NEO1: variants seen among roughly 807,000 people sequenced by gnomAD.
NEO1 encodes neogenin.
In NEO1, 63 loss-of-function variants were observed where a neutral mutation model predicts 159.7. The ratio of observed to expected loss-of-function variants is 0.39; its 90% confidence interval spans 0.32 to 0.49. The LOEUF (loss-of-function observed/expected upper bound fraction) is 0.49. Ranked by LOEUF, NEO1 falls within the 20% of genes least tolerant of loss-of-function variation. NEO1 has a pLI of 0.85. For missense variants in NEO1, 1,615 were observed against 1,831.0 expected (o/e 0.88, Z 2.15); for synonymous variants, 633 against 662.0 (o/e 0.96, Z 0.67).
chr15:73,224,859 G>C (rs181151447), intron 7 of NEO1, among the ~76,000 whole-genome samples: 1 of 151,240 alleles, frequency 6.6e-6, no homozygotes, highest in African/African-American at 2.4e-5. Context: ...ATGATTTTTT[G>C]GGGGGGGTGT....
intron 14 of NEO1, 33 bp downstream of exon 14, chr15:73,258,909 A>C: frequency 6.4e-7 from 1 of 1,557,870 alleles, no homozygotes; most frequent in Non-Finnish European, 8.9e-7. Context: ...CTGGAACACA[A>C]TAGATACTAG....
chr15:73,294,925 A>G (rs2042297729), intron 26 of NEO1, among the ~76,000 whole-genome samples: 1 of 151,898 alleles, frequency 6.6e-6, no homozygotes, highest in Admixed American at 6.6e-5. Context: ...AATTTCCAAC[A>G]TTAGCTACTC....
intron 9 of NEO1, among the ~76,000 whole-genome samples, chr15:73,248,021 G>A (rs2415145): frequency 0.29 from 43,663 of 151,942 alleles, 7,316 homozygotes; most frequent in East Asian, 0.57. Context: ...TGGGTCCACC[G>A]CTAGCTAACT....
chr15:73,201,791 G>A (rs920117457), intron 7 of NEO1, among the ~76,000 whole-genome samples: 3 of 151,882 alleles, frequency 2.0e-5, no homozygotes, highest in African/African-American at 7.3e-5. Flanking sequence ...TTGGAAAATT[G>A]ACAGCTTTAT....
intron 13 of NEO1, chr15:73,255,764 C>T (rs2040311944): frequency 6.6e-6 from 1 of 152,254 alleles, no homozygotes; most frequent in South Asian, 2.1e-4. Flanking sequence ...TAGGAGTAAA[C>T]TCACATGGGC....
At chr15:73,194,137 A>G (rs563349240) in intron 7 of NEO1, among the ~76,000 whole-genome samples, 1 of 152,308 alleles carries the variant, frequency 6.6e-6, no homozygotes, top group Non-Finnish European at 1.5e-5. Flanking sequence ...GTTTTCAGTT[A>G]TGTAGCACTT....
chr15:73,123,266 A>C (rs1455452632), intron 3 of NEO1, among the ~76,000 whole-genome samples: 2 of 152,082 alleles, frequency 1.3e-5, no homozygotes, highest in Non-Finnish European at 2.9e-5. Context: ...CAGAAGATCC[A>C]CTCTTTAGGG....
At chr15:73,185,542 A>G (rs907346794) in intron 7 of NEO1, among the ~76,000 whole-genome samples, 24 of 152,230 alleles carry the variant, frequency 1.6e-4, no homozygotes, top group African/African-American at 5.8e-4. Context: ...GGAATGCAAA[A>G]TGGTACAGCC....
In NEO1 at chr15:73,201,284, C is replaced by T. The variant is rs1596328025; in HGVS notation, c.1291+22857C>T. ...AATCTAAGTTTCACTTATTTTCATT[C>T]AGTTCAAAAGATTTTCTGTTTTTAC... On this transcript the variant is annotated intron_variant, in intron 7 of 28. Coordinates refer to ENST00000261908, the MANE Select transcript of NEO1 (RefSeq NM_002499.4). 1.3e-5 allele frequency among the ~76,000 whole-genome samples: 2 copies of T among 151,742 alleles called. 1 individual carries two copies. The highest frequency in any genetic ancestry group is 6.9e-3 in the Middle Eastern group (2 of 290).
intron 5 of NEO1, among the ~76,000 whole-genome samples, chr15:73,171,767 G>A (rs1299580860): frequency 6.6e-6 from 1 of 151,476 alleles, no homozygotes; most frequent in East Asian, 1.9e-4. Context: ...TCAGCCTCCC[G>A]AGTATCTGGG....
At position 73,116,867 on chromosome 15, in the gene NEO1, A is replaced by G; in HGVS notation, c.448+10A>G. 6.8e-7 allele frequency: 1 copy of G among 1,464,406 alleles called. No homozygotes were observed. The highest frequency in any genetic ancestry group is 8.9e-7 in the Non-Finnish European group (1 of 1,119,598). The allele number at this position is 1,464,406 out of a possible 1,614,324, so 90.7% of individuals were successfully genotyped here. A position where few individuals can be genotyped will look rare whatever the true frequency, so the allele number is the denominator to read the frequency against. ...AAGCTCATAGTAGCAGGTAAGTTTT[A>G]AGTGATTTTTTTTTTTGCATTTTCA... is the stretch of plus-strand genomic sequence containing the variant. On this transcript the variant is annotated intron_variant, in intron 2 of 28. Coordinates refer to ENST00000261908, the MANE Select transcript of NEO1 (RefSeq NM_002499.4).
chr15:73,241,565 T>G (rs1194459096), intron 8 of NEO1, among the ~76,000 whole-genome samples: 1 of 152,226 alleles, frequency 6.6e-6, no homozygotes, highest in East Asian at 1.9e-4. Context: ...TGACTTTTCC[T>G]CACAAGCTAG....
chr15:73,299,675 G>A (rs2042536202), intron 27 of NEO1, among the ~76,000 whole-genome samples: 1 of 152,228 alleles, frequency 6.6e-6, no homozygotes, highest in African/African-American at 2.4e-5. Flanking sequence ...GTGAGCCACT[G>A]CGCCCAGCCG....
intron 12 of NEO1, among the ~76,000 whole-genome samples, chr15:73,253,733 G>A (rs1261124949): frequency 6.6e-6 from 1 of 152,104 alleles, no homozygotes; most frequent in African/African-American, 2.4e-5. Flanking sequence ...CACCAAAACT[G>A]CTTTAACATT....
chr15:73,137,637 C>T (rs2031908812), intron 5 of NEO1, among the ~76,000 whole-genome samples: 1 of 152,280 alleles, frequency 6.6e-6, no homozygotes, highest in South Asian at 2.1e-4. Context: ...GCTGAGACTA[C>T]AGGCATGTGC....
chr15:73,272,089 A>G (rs1383967240), intron 18 of NEO1, among the ~76,000 whole-genome samples: 1 of 152,210 alleles, frequency 6.6e-6, no homozygotes, highest in Non-Finnish European at 1.5e-5. Context: ...AAGCAGAGAT[A>G]GTGATAACTA....
intron 16 of NEO1, among the ~76,000 whole-genome samples, chr15:73,267,913 C>A (rs1355227343): frequency 1.3e-5 from 2 of 152,004 alleles, no homozygotes; most frequent in Admixed American, 1.3e-4. Context: ...AATTTTGATT[C>A]TTTATTGTCC....
chr15:73,257,997 C>T (rs2040448795), intron 13 of NEO1, among the ~76,000 whole-genome samples: 1 of 152,186 alleles, frequency 6.6e-6, no homozygotes, highest in Non-Finnish European at 1.5e-5. Flanking sequence ...ACCAACTCTT[C>T]TCCCCTACCA....
At chr15:73,088,228 A>G (rs962229093) in intron 1 of NEO1, among the ~76,000 whole-genome samples, 5 of 151,998 alleles carry the variant, frequency 3.3e-5, no homozygotes, top group Non-Finnish European at 7.4e-5. Context: ...GGTTAGCAAG[A>G]TTAAGGGAAA....
Sources: gnomAD v4.1 joint callset for allele counts (sites outside exome capture counted in the v4.1 genomes callset) on GRCh38, gnomAD v4.1.1 for gene constraint, MANE v1.5 for transcripts, NCBI Gene and HGNC (gene_info 2026-07-23, HGNC 2026-07-21) for gene names.